WSCD2: variants seen among roughly 807,000 people sequenced by gnomAD.
The protein encoded by WSCD2 is sialate:O-sulfotransferase 2.
A neutral mutation model predicts 55.7 loss-of-function variants in WSCD2; 28 were observed. That is an observed-to-expected ratio of 0.50 (90% CI 0.37 to 0.69). WSCD2 has a LOEUF of 0.69. WSCD2 is among the 30% of genes least tolerant of loss of function. WSCD2 has a pLI of 0.00. For missense variants in WSCD2, 616 were observed against 762.1 expected (o/e 0.81, Z 2.26); for synonymous variants, 301 against 301.9 (o/e 1.00, Z 0.03).
intron 6 of WSCD2, among the ~76,000 whole-genome samples, chr12:108,230,208 A>G (rs1888596263): frequency 6.6e-6 from 1 of 152,230 alleles, no homozygotes; most frequent in African/African-American, 2.4e-5. Flanking sequence ...AAACATAACC[A>G]TATTCTATAA....
intron 4 of WSCD2, among the ~76,000 whole-genome samples, chr12:108,213,926 T>G (rs187408025): frequency 6.6e-6 from 1 of 152,318 alleles, no homozygotes; most frequent in East Asian, 1.9e-4. Flanking sequence ...CCCTGATCCC[T>G]CCTTCCACCT....
intron 1 of WSCD2, among the ~76,000 whole-genome samples, chr12:108,132,940 AT>A (rs1875763200): frequency 6.6e-6 from 1 of 151,774 alleles, no homozygotes; most frequent in Non-Finnish European, 1.5e-5. Flanking sequence ...TTGTCTCTGT[AT>A]GTGTGTGCAT....
chr12:108,150,669 C>T lies in WSCD2; in HGVS notation c.-552+20743C>T, dbSNP rs139477011. Among the ~76,000 whole-genome samples, 467 of 152,252 alleles carry T rather than the reference C, an allele frequency of 3.1e-3. 2 individuals are homozygous for T. The highest frequency in any genetic ancestry group is 0.011 in the African/African-American group (439 of 41,550). Reference sequence around the variant, plus strand: ...GGCAGGCAGGACCCCGATATGCAGTCGGTGCTCAGTGTATGCTTGGGAATG... The same window carrying T: ...GGCAGGCAGGACCCCGATATGCAGTTGGTGCTCAGTGTATGCTTGGGAATG... On this transcript the variant is annotated intron_variant, in intron 1 of 8. Coordinates refer to ENST00000547525, the MANE Select transcript of WSCD2 (RefSeq NM_014653.4).
At chr12:108,190,781 T>C (rs546403589) in intron 1 of WSCD2, among the ~76,000 whole-genome samples, 2 of 152,164 alleles carry the variant, frequency 1.3e-5, no homozygotes, top group Non-Finnish European at 2.9e-5. Context: ...TGGAAACTCA[T>C]GCCAGCCCTG....
chr12:108,156,093 C>G (rs1878481573), intron 1 of WSCD2, among the ~76,000 whole-genome samples: 2 of 152,232 alleles, frequency 1.3e-5, no homozygotes, highest in African/African-American at 2.4e-5. Flanking sequence ...CTCTAAAAAT[C>G]TCACGTGAGC....
intron 4 of WSCD2, among the ~76,000 whole-genome samples, chr12:108,215,431 G>A (rs1886709695): frequency 6.6e-6 from 1 of 152,102 alleles, no homozygotes; most frequent in Non-Finnish European, 1.5e-5. Context: ...AGACTAGAAA[G>A]CACCTAGCAC....
Position 108,195,899 on chromosome 12 carries a change from C to T in WSCD2, c.67C>T (p.Leu23=), listed in dbSNP as rs749136209. ...GAAACCTGTGCGCTTCTTTACCTTC[C>T]TGGCACTCTACCTGACTGCTGGGAG... The part of the protein sequence containing the change: ...RRKPVRFFTF[L]ALYLTAGSLV... The change falls in exon 2 of 9, where the codon CTG becomes TTG. Residue 23 remains leucine, a synonymous_variant. Transcript: ENST00000547525. 6 of 1,614,058 alleles carry T rather than the reference C, an allele frequency of 3.7e-6. No homozygotes were observed. The highest frequency in any genetic ancestry group is 5.1e-6 in the Non-Finnish European group (6 of 1,180,024).
chr12:108,131,151 A>G (rs188141849), intron 1 of WSCD2, among the ~76,000 whole-genome samples: 27 of 152,308 alleles, frequency 1.8e-4, no homozygotes, highest in Non-Finnish European at 3.8e-4. Flanking sequence ...CCAGGGCGTC[A>G]GAATCTGGTG....
intron 1 of WSCD2, among the ~76,000 whole-genome samples, chr12:108,153,548 G>C (rs773864096): frequency 2.6e-5 from 4 of 152,210 alleles, no homozygotes; most frequent in Non-Finnish European, 4.4e-5. Context: ...AATCACAAGG[G>C]ATGGTGCAGC....
intron 7 of WSCD2, 77 bp from the exon 8 acceptor site, chr12:108,240,267 T>C (rs1203799291): frequency 6.4e-7 from 1 of 1,560,044 alleles, no homozygotes; most frequent in Non-Finnish European, 8.7e-7. Flanking sequence ...ATTCCCGAGG[T>C]GGCCCAGAAG....
At chr12:108,199,658 T>C (rs1884406439) in intron 2 of WSCD2, among the ~76,000 whole-genome samples, 1 of 152,260 alleles carries the variant, frequency 6.6e-6, no homozygotes, top group Non-Finnish European at 1.5e-5. Flanking sequence ...TGCCAGGTGC[T>C]GTTCAAAGCA....
intron 1 of WSCD2, among the ~76,000 whole-genome samples, chr12:108,163,695 C>T (rs1879305958): frequency 6.6e-6 from 1 of 152,070 alleles, no homozygotes; most frequent in Admixed American, 6.6e-5. Flanking sequence ...GGAATGCAGG[C>T]AGGAAGGGGA....
At chr12:108,182,070 C>T (rs983508043) in intron 1 of WSCD2, among the ~76,000 whole-genome samples, 4 of 152,232 alleles carry the variant, frequency 2.6e-5, no homozygotes, top group Admixed American at 2.0e-4. Context: ...CATGCTCTAT[C>T]TCTTTCTTTA....
chr12:108,236,919 G>T (rs534675089), intron 7 of WSCD2, among the ~76,000 whole-genome samples: 51 of 152,246 alleles, frequency 3.3e-4, no homozygotes, highest in Admixed American at 7.2e-4. Flanking sequence ...CAAGCTCTGC[G>T]GTATGTGAGG....
At chr12:108,203,091 C>A (rs897649561) in intron 2 of WSCD2, among the ~76,000 whole-genome samples, 4 of 152,126 alleles carry the variant, frequency 2.6e-5, no homozygotes, top group Non-Finnish European at 5.9e-5. Context: ...GGTCTGAGAC[C>A]CTCACTGTGG....
At chr12:108,194,556 A>G (rs1883640649) in intron 1 of WSCD2, among the ~76,000 whole-genome samples, 1 of 152,230 alleles carries the variant, frequency 6.6e-6, no homozygotes, top group African/African-American at 2.4e-5. Flanking sequence ...TACCTCTCAT[A>G]GGAATGTTGG....
chr12:108,174,685 G>T (rs1416654673), intron 1 of WSCD2, among the ~76,000 whole-genome samples: 1 of 152,218 alleles, frequency 6.6e-6, no homozygotes, highest in Non-Finnish European at 1.5e-5. Context: ...CACAAGCATA[G>T]CTCACTGCAG....
intron 3 of WSCD2, among the ~76,000 whole-genome samples, chr12:108,207,322 T>C (rs1427419364): frequency 2.0e-5 from 3 of 152,130 alleles, no homozygotes; most frequent in Non-Finnish European, 4.4e-5. Context: ...GGTGTGGAAA[T>C]GGGCAAGTGG....
intron 1 of WSCD2, among the ~76,000 whole-genome samples, chr12:108,188,843 C>A (rs1882832598): frequency 6.6e-6 from 1 of 152,202 alleles, no homozygotes; most frequent in African/African-American, 2.4e-5. Flanking sequence ...GGCATCATGA[C>A]ACTGAGGCTC....
Sources: allele counts gnomAD v4.1 joint callset (sites outside exome capture counted in the v4.1 genomes callset), GRCh38; gene constraint gnomAD v4.1.1; transcripts MANE v1.5; gene names NCBI Gene and HGNC (gene_info 2026-07-23, HGNC 2026-07-21).